Variants in DIP2B observed in about 807,000 individuals in gnomAD.
DIP2B encodes the protein DIP2 acetate--CoA ligase B (putative).
DIP2B carries 76 observed loss-of-function variants against 198.0 expected under a neutral mutation model. The observed-to-expected ratio is 0.38, with a 90% CI of 0.32 to 0.46. DIP2B has a LOEUF of 0.46. DIP2B is among the 20% of genes least tolerant of loss of function. The pLI, the probability that DIP2B is intolerant of heterozygous loss-of-function variation, is 0.99. For missense variants in DIP2B, 1,559 were observed against 1,978.4 expected (o/e 0.79, Z 4.02); for synonymous variants, 701 against 739.1 (o/e 0.95, Z 0.84).
At chr12:50,710,779 T>C (rs975119426) in intron 22 of DIP2B, among the ~76,000 whole-genome samples, 2 of 152,184 alleles carry the variant, frequency 1.3e-5, no homozygotes, top group African/African-American at 4.8e-5. Flanking sequence ...TTCTGAATTA[T>C]CAGCTGATAC....
At chr12:50,568,077 C>T (rs1359822906) in intron 1 of DIP2B, among the ~76,000 whole-genome samples, 1 of 152,088 alleles carries the variant, frequency 6.6e-6, no homozygotes, top group Non-Finnish European at 1.5e-5. Flanking sequence ...AGTTTGTTCT[C>T]ACCTTCTGTA....
intron 2 of DIP2B, among the ~76,000 whole-genome samples, chr12:50,629,044 A>T (rs1431792910): frequency 2.0e-5 from 3 of 151,932 alleles, no homozygotes; most frequent in African/African-American, 7.3e-5. Context: ...ACACCCAGCT[A>T]ATTTTTGTAT....
intron 4 of DIP2B, among the ~76,000 whole-genome samples, chr12:50,668,899 A>C (rs1447840678): frequency 6.6e-6 from 1 of 152,174 alleles, no homozygotes; most frequent in Non-Finnish European, 1.5e-5. Context: ...TGCTTTCCTT[A>C]AAGGGGTACA....
chr12:50,636,886 C>G lies in DIP2B; in HGVS notation c.173-3838C>G, dbSNP rs565090151. On this transcript the variant is annotated intron_variant, in intron 2 of 37. Transcript: ENST00000301180. ...ACAGACCTGGAGCTCCCAACCCGCT[C>G]TCCTTACAGAGTCTACCCCTGGAAA... Among the ~76,000 whole-genome samples, 13 of 152,338 alleles carry G rather than the reference C, an allele frequency of 8.5e-5. 1 individual carries two copies. In the South Asian group the frequency reaches 2.5e-3, roughly 29 times the overall value.
chr12:50,671,450 A>T, intron 5 of DIP2B, 52 bp downstream of exon 5: 1 of 1,572,716 alleles, frequency 6.4e-7, no homozygotes, highest in Non-Finnish European at 8.7e-7. Flanking sequence ...TTTGGCTCCC[A>T]GTATCCAGGA....
At position 50,651,150 on chromosome 12, in the gene DIP2B, T is replaced by G. The variant is rs1938445324; in HGVS notation, c.302-9044T>G. On this transcript the variant is annotated intron_variant, in intron 3 of 37. Coordinates refer to ENST00000301180, the MANE Select transcript of DIP2B (RefSeq NM_173602.3). ...TTATCTTCTCTGGAGAAATGTCTAT[T>G]CAAGTTCTTTGCCCATTTAGAAACT... 2.6e-5 allele frequency among the ~76,000 whole-genome samples: 4 copies of G among 152,218 alleles called. No homozygotes were observed. The South Asian group carries it at 6.2e-4, about 24-fold the overall frequency.
chr12:50,636,042 T>C (rs1053440241), intron 2 of DIP2B, among the ~76,000 whole-genome samples: 2 of 152,208 alleles, frequency 1.3e-5, no homozygotes, highest in Admixed American at 6.5e-5. Flanking sequence ...ATTTACACTA[T>C]AGCAGGAGAG....
intron 20 of DIP2B, 90 bp downstream of exon 20, chr12:50,704,310 A>T: frequency 8.3e-7 from 1 of 1,202,582 alleles, no homozygotes; most frequent in East Asian, 2.6e-5. Flanking sequence ...GATTAGTCCA[A>T]GAGTGTTACA....
intron 5 of DIP2B, 95 bp downstream of exon 5, chr12:50,671,493 A>G (rs968401025): frequency 6.5e-6 from 8 of 1,223,702 alleles, no homozygotes; most frequent in Non-Finnish European, 6.9e-6. Context: ...GTTTTTCAGT[A>G]TGGCCTAAAA....
At chr12:50,610,805 CTTT>C (rs58612726) in intron 1 of DIP2B, among the ~76,000 whole-genome samples, 2 of 138,426 alleles carry the variant, frequency 1.4e-5, no homozygotes. Flanking sequence ...TGTGCCCAAC[CTTT>C]TTTTTTTTTT....
chr12:50,570,057 A>AT (rs1958599721), intron 1 of DIP2B, among the ~76,000 whole-genome samples: 1 of 152,128 alleles, frequency 6.6e-6, no homozygotes, highest in Admixed American at 6.6e-5. Flanking sequence ...TTTATGAGAG[A>AT]TTCACTTGTT....
At chr12:50,580,297 A>T (rs1341497389) in intron 1 of DIP2B, among the ~76,000 whole-genome samples, 2 of 148,770 alleles carry the variant, frequency 1.3e-5, no homozygotes, top group East Asian at 4.7e-4. Flanking sequence ...GATTCATTCT[A>T]ATTATCTCCA....
intron 1 of DIP2B, among the ~76,000 whole-genome samples, chr12:50,538,167 G>A (rs1403874758): frequency 6.6e-6 from 1 of 152,122 alleles, no homozygotes; most frequent in Non-Finnish European, 1.5e-5. Context: ...GTGTGGAAGA[G>A]GTGAGCTGCT....
intron 2 of DIP2B, 75 bp downstream of exon 2, chr12:50,626,122 TTTTG>T: frequency 6.8e-7 from 1 of 1,466,760 alleles, no homozygotes; most frequent in Non-Finnish European, 9.5e-7. Flanking sequence ...GACCTCTATC[TTTTG>T]TTTGTTCCTG....
rs1262808054 is a variant in DIP2B, at chr12:50,699,056, T to G, written c.2189-10T>G. On this transcript the variant is annotated splice_polypyrimidine_tract_variant and intron_variant, in intron 18 of 37. Transcript: ENST00000301180. ...TCTTTGTCCTTTAACCTGTATTTTC[T>G]GTACGTTAGGGATGATGTGCATTGT... The G allele has an allele frequency of 6.2e-7, 1 of 1,613,356 alleles. No individual in the cohort carries two copies. Among genetic ancestry groups the G allele is most frequent in the East Asian group, 2.2e-5 (1 of 44,872 alleles).
At chr12:50,632,704 T>A (rs907701665) in intron 2 of DIP2B, among the ~76,000 whole-genome samples, 1 of 150,944 alleles carries the variant, frequency 6.6e-6, no homozygotes, top group East Asian at 2.0e-4. Flanking sequence ...ACCTGGCTAA[T>A]TTTTGTATTT....
At chr12:50,612,193 G>A (rs1017864709) in intron 1 of DIP2B, among the ~76,000 whole-genome samples, 3 of 152,084 alleles carry the variant, frequency 2.0e-5, no homozygotes, top group Non-Finnish European at 4.4e-5. Context: ...GCTGCAGTGA[G>A]CTGTGATTGC....
chr12:50,559,983 A>G (rs1958505139), intron 1 of DIP2B, among the ~76,000 whole-genome samples: 2 of 152,110 alleles, frequency 1.3e-5, no homozygotes, highest in African/African-American at 2.4e-5. Context: ...ACAATCGAGA[A>G]TGATCTTTCT....
intron 2 of DIP2B, among the ~76,000 whole-genome samples, chr12:50,630,799 G>A (rs150625742): frequency 7.3e-5 from 11 of 149,804 alleles, no homozygotes; most frequent in East Asian, 2.0e-4. Context: ...AGCCTCCTGC[G>A]TAGCTGGGAT....
Sources: allele counts gnomAD v4.1 joint callset (sites outside exome capture counted in the v4.1 genomes callset), GRCh38; gene constraint gnomAD v4.1.1; transcripts MANE v1.5; gene names NCBI Gene and HGNC (gene_info 2026-07-23, HGNC 2026-07-21).